The following OTOGL variants were observed in gnomAD, a reference collection of about 807,000 sequenced individuals.
The protein encoded by OTOGL is otogelin like, also known as otogelin-like protein.
In OTOGL, 285 loss-of-function variants were observed where a neutral mutation model predicts 318.5. That is an observed-to-expected ratio of 0.89 (90% CI 0.81 to 0.99). The LOEUF (loss-of-function observed/expected upper bound fraction) is 0.99. Among genes scored for constraint, OTOGL ranks in the 50% least tolerant of loss-of-function variants. OTOGL has a pLI of 0.00. For synonymous variants in OTOGL, 987 were observed against 936.5 expected, an observed-to-expected ratio of 1.05 and a Z score of -0.99; for missense variants, 2,899 against 2,845.6, an observed-to-expected ratio of 1.02 and a Z score of -0.43.
chr12:80,249,406 C>G (rs905260564), intron 11 of OTOGL, among the ~76,000 whole-genome samples: 41 of 151,298 alleles, frequency 2.7e-4, no homozygotes, highest in African/African-American at 9.3e-4. Context: ...AGCTGAAGGT[C>G]TGTTGGAATA....
intron 52 of OTOGL, among the ~76,000 whole-genome samples, chr12:80,360,769 C>T (rs915368781): frequency 5.9e-5 from 9 of 151,948 alleles, no homozygotes; most frequent in South Asian, 2.1e-4. Context: ...TGTGAGCCAC[C>T]GCGCCTGGCT....
chr12:80,196,400 C>A (rs544311008), intron 1 of OTOGL, among the ~76,000 whole-genome samples: 4 of 152,206 alleles, frequency 2.6e-5, no homozygotes, highest in Non-Finnish European at 2.9e-5. Context: ...TAACGCTACA[C>A]TAAGATGTAC....
At chr12:80,275,155 G>C (rs1340200907) in intron 24 of OTOGL, among the ~76,000 whole-genome samples, 1 of 151,934 alleles carries the variant, frequency 6.6e-6, no homozygotes, top group African/African-American at 2.4e-5. Flanking sequence ...TTCTCTGATG[G>C]ATCTGGGAAA....
intron 24 of OTOGL, among the ~76,000 whole-genome samples, chr12:80,272,691 G>A (rs764574436): frequency 1.3e-5 from 2 of 152,066 alleles, no homozygotes; most frequent in Non-Finnish European, 2.9e-5. Context: ...GGGCAAAGAA[G>A]AGCGAGGTCT....
At chr12:80,283,530 T>C (rs1370299942) in intron 26 of OTOGL, among the ~76,000 whole-genome samples, 2 of 152,118 alleles carry the variant, frequency 1.3e-5, no homozygotes, top group African/African-American at 4.8e-5. Context: ...CTCATCTAGA[T>C]TGTGTATCAT....
intron 1 of OTOGL, among the ~76,000 whole-genome samples, chr12:80,134,918 G>A (rs1871454404): frequency 6.6e-6 from 1 of 152,080 alleles, no homozygotes; most frequent in Non-Finnish European, 1.5e-5. Context: ...TTATTCATGT[G>A]TCTCTGGAAT....
In OTOGL at chr12:80,220,786, C is replaced by G. The variant is rs1006993088; in HGVS notation, c.334+874C>G. On this transcript the variant is annotated intron_variant, in intron 6 of 58. Coordinates refer to ENST00000547103, the MANE Select transcript of OTOGL (RefSeq NM_001378609.3). ...AAACATGTTCCTGTCCTCTTGGAGGCTGCAGTCTAGAGAAGGTGATAAATA... is the reference window on the plus strand; with the variant it reads ...AAACATGTTCCTGTCCTCTTGGAGGGTGCAGTCTAGAGAAGGTGATAAATA... Among the ~76,000 whole-genome samples the G allele has an allele frequency of 2.6e-5, 4 of 152,002 alleles. No homozygotes were observed. In the East Asian group the frequency reaches 5.8e-4, roughly 22 times the overall value.
chr12:80,310,991 T>TTACA (rs1306864873), intron 30 of OTOGL, among the ~76,000 whole-genome samples: 1 of 152,238 alleles, frequency 6.6e-6, no homozygotes, highest in African/African-American at 2.4e-5. Context: ...GGAACATTAT[T>TTACA]TACATACATC....
In OTOGL at chr12:80,271,816, C is replaced by G. The variant is rs942494542; in HGVS notation, c.2681+6C>G. On this transcript the variant is annotated splice_donor_region_variant and intron_variant, in intron 24 of 58. Transcript: ENST00000547103. Reference sequence around the variant, plus strand: ...GGCTGTGTTTGTGCTCCAGGGTAAGCCTCTTCTTCATAATACAGAACATTC... The same window carrying G: ...GGCTGTGTTTGTGCTCCAGGGTAAGGCTCTTCTTCATAATACAGAACATTC... The G allele has an allele frequency of 7.5e-6, 12 of 1,609,430 alleles. No homozygotes were observed. Among genetic ancestry groups the G allele is most frequent in the Non-Finnish European group, 1.0e-5 (12 of 1,177,342 alleles).
At chr12:80,352,164 G>GTT in intron 44 of OTOGL, 131 bp from the exon 45 acceptor site, 4 of 804,358 alleles carry the variant, frequency 5.0e-6, no homozygotes, top group Non-Finnish European at 7.5e-6. Context: ...TTTTGAAAAT[G>GTT]TAAAGTCTAT....
chr12:80,187,666 C>T (rs777277919), intron 1 of OTOGL, among the ~76,000 whole-genome samples: 8 of 152,106 alleles, frequency 5.3e-5, no homozygotes, highest in Non-Finnish European at 7.3e-5. Context: ...TAAGACAGGC[C>T]TTGAGCTTTA....
At chr12:80,260,485 T>C (rs972939099) in intron 18 of OTOGL, among the ~76,000 whole-genome samples, 1 of 152,088 alleles carries the variant, frequency 6.6e-6, no homozygotes, top group African/African-American at 2.4e-5. Flanking sequence ...AACATTTAGG[T>C]GTGATAAGAG....
intron 9 of OTOGL, among the ~76,000 whole-genome samples, chr12:80,234,409 A>T (rs1459515297): frequency 6.6e-6 from 1 of 152,156 alleles, no homozygotes; most frequent in Non-Finnish European, 1.5e-5. Context: ...AAATTAATAG[A>T]GATGATTTGC....
chr12:80,216,475 T>G (rs557971615), intron 4 of OTOGL, among the ~76,000 whole-genome samples: 2 of 152,326 alleles, frequency 1.3e-5, no homozygotes, highest in East Asian at 3.9e-4. Flanking sequence ...CACAATTGAT[T>G]AGTTTTAGTA....
At chr12:80,293,163 C>G (rs1182078001) in intron 26 of OTOGL, among the ~76,000 whole-genome samples, 1 of 151,928 alleles carries the variant, frequency 6.6e-6, no homozygotes, top group Non-Finnish European at 1.5e-5. Context: ...ATAAAGATAG[C>G]TAAAAAGGTA....
chr12:80,103,438 G>A, intron 1 of OTOGL: 1 of 620,446 alleles, frequency 1.6e-6, no homozygotes. Flanking sequence ...ATGCCAGAAT[G>A]TTGTCCCTTC....
intron 18 of OTOGL, 34 bp downstream of exon 18, chr12:80,258,036 A>ATGAC (rs1882220150): frequency 6.7e-7 from 1 of 1,491,690 alleles, no homozygotes; most frequent in South Asian, 1.3e-5. Flanking sequence ...AACATACTTA[A>ATGAC]TGACTGGTCA....
intron 4 of OTOGL, among the ~76,000 whole-genome samples, chr12:80,213,160 A>C (rs2137317734): frequency 6.6e-6 from 1 of 152,354 alleles, no homozygotes; most frequent in African/African-American, 2.4e-5. Context: ...TGAGTTTTCC[A>C]GGAAAGGGAC....
In OTOGL at chr12:80,378,848, G is replaced by A. The variant is rs1250670378; in HGVS notation, c.*800G>A. 6.6e-6 allele frequency: 1 copy of A among 152,086 alleles called. No individual in the cohort carries two copies. The allele number at this position is 152,086 out of a possible 1,614,324, so 9.4% of individuals were successfully genotyped here. On this transcript the variant is annotated 3_prime_UTR_variant, in exon 59 of 59. Transcript: ENST00000547103. ...CCATACATTGTTATTCCAATAGTAA[G>A]GAGCAGGGAAATATAGCATCATTTG...
Sources: allele counts gnomAD v4.1 joint callset (sites outside exome capture counted in the v4.1 genomes callset), GRCh38; gene constraint gnomAD v4.1.1; transcripts MANE v1.5; gene names NCBI Gene and HGNC (gene_info 2026-07-23, HGNC 2026-07-21).